The following DRICH1 variants were observed in gnomAD, a reference collection of about 807,000 sequenced individuals.
The protein encoded by DRICH1 is aspartate-rich protein 1.
A neutral mutation model predicts 39.5 loss-of-function variants in DRICH1; 38 were observed. That is an observed-to-expected ratio of 0.96 (90% CI 0.74 to 1.26). The LOEUF (loss-of-function observed/expected upper bound fraction) is 1.26. Ranked by LOEUF, DRICH1 falls within the 50% of genes most tolerant of loss-of-function variation. The pLI is 0.00. For synonymous variants in DRICH1, 84 were observed against 99.5 expected (o/e 0.84, Z 0.93); for missense variants, 279 against 270.4 (o/e 1.03, Z -0.22).
the DRICH1 span, among the ~76,000 whole-genome samples, chr22:23,597,165 T>C: frequency 0.11 from 15,666 of 137,440 alleles, 699 homozygotes; most frequent in East Asian, 0.23. Context: ...GCCTCCTTCC[T>C]TCTTTCCTTC....
At chr22:23,629,614 A>G (rs1482272261) in intron 1 of DRICH1, among the ~76,000 whole-genome samples, 2 of 151,236 alleles carry the variant, frequency 1.3e-5, no homozygotes, top group African/African-American at 4.9e-5. Flanking sequence ...ATTTCTTTTT[A>G]TTTATTTCTT....
At chr22:23,606,185 G>A (rs948458426), downstream of DRICH1, among the ~76,000 whole-genome samples, 6 of 151,860 alleles carry the variant, frequency 4.0e-5, no homozygotes, top group African/African-American at 1.2e-4. Context: ...AGGGGTTGAT[G>A]TTCCTCCTCA....
rs371209679 is a variant in DRICH1, at chr22:23,624,878, C to T, written c.298+5G>A. ...TCAGAAAGTGAGTTAGTTCAAGGTA[C>T]GTACCCTGGACAGGTGATGGTAAAA... is the stretch of plus-strand genomic sequence containing the variant. On this transcript the variant is annotated splice_donor_5th_base_variant and intron_variant, in intron 3 of 11. Transcript: ENST00000317749. 11 of 1,613,156 alleles carry T rather than the reference C, an allele frequency of 6.8e-6. No individual in the cohort carries two copies. Among genetic ancestry groups the T allele is most frequent in the South Asian group, 2.2e-5 (2 of 91,068 alleles).
Position 23,608,571 on chromosome 22 carries a change from C to G in DRICH1, c.*193G>C. 1.7e-6 allele frequency: 1 copy of G among 586,736 alleles called. No homozygotes were observed. Among genetic ancestry groups the G allele is most frequent in the Non-Finnish European group, 3.1e-6 (1 of 326,856 alleles). 36.3% of individuals were successfully genotyped at this position (586,736 alleles called of 1,614,324 possible). A position where few individuals can be genotyped will look rare whatever the true frequency, so the allele number is the denominator to read the frequency against. On this transcript the variant is annotated 3_prime_UTR_variant, in exon 12 of 12. Transcript: ENST00000317749. ...ATGCCAGGCCCAGAAGCACTGGGTCCTGGATGGTACAGGCCAAACCTAGTG... is the reference window on the plus strand; with the variant it reads ...ATGCCAGGCCCAGAAGCACTGGGTCGTGGATGGTACAGGCCAAACCTAGTG...
rs183061051 is a variant in DRICH1, at chr22:23,622,705, C to T, written c.299-529G>A. ...TTTAAAAAAGAATATGAAAATGCTACAATTAAAAATAGTCATGATTTCCTC... is the reference window on the plus strand; with the variant it reads ...TTTAAAAAAGAATATGAAAATGCTATAATTAAAAATAGTCATGATTTCCTC... On this transcript the variant is annotated intron_variant, in intron 3 of 11. Coordinates refer to ENST00000317749, the MANE Select transcript of DRICH1 (RefSeq NM_016449.4). Among the ~76,000 whole-genome samples the T allele has an allele frequency of 5.7e-3, 495 of 87,252 alleles. 1 individual carries two copies. The highest frequency in any genetic ancestry group is 8.3e-3 in the Non-Finnish European group (320 of 38,654). The allele number at this position is 87,252 out of a possible 152,430, so 57.2% of individuals were successfully genotyped here.
At chr22:23,619,424 CTT>C (rs1927577255) in intron 5 of DRICH1, 31 bp from the exon 6 acceptor site, 2 of 779,240 alleles carry the variant, frequency 2.6e-6, no homozygotes, top group Non-Finnish European at 4.8e-6. Context: ...TAATCTAAGA[CTT>C]TAAGGAATCT....
chr22:23,602,963 G>A, the DRICH1 span, among the ~76,000 whole-genome samples: 4 of 149,534 alleles, frequency 2.7e-5, no homozygotes, highest in African/African-American at 7.4e-5. Flanking sequence ...CCTAACATTC[G>A]ACATTTAGGC....
intron 4 of DRICH1, 34 bp from the exon 5 acceptor site, chr22:23,620,649 C>T (rs765921646): frequency 6.2e-7 from 1 of 1,611,168 alleles, no homozygotes; most frequent in East Asian, 2.2e-5. Flanking sequence ...CTATGAGGAT[C>T]AGATCAATTC....
downstream of DRICH1, among the ~76,000 whole-genome samples, chr22:23,605,818 T>C (rs1449068832): frequency 3.9e-5 from 6 of 152,112 alleles, no homozygotes; most frequent in Admixed American, 6.5e-5. Context: ...TATGGGCTCA[T>C]GCCTGTAATC....
At chr22:23,592,226 T>C in the DRICH1 span, among the ~76,000 whole-genome samples, 9 of 152,122 alleles carry the variant, frequency 5.9e-5, no homozygotes, top group Non-Finnish European at 1.3e-4. Context: ...AATGACCCCA[T>C]CAGGCTAGCA....
intron 7 of DRICH1, 66 bp from the exon 8 acceptor site, chr22:23,616,940 C>T: frequency 6.4e-7 from 1 of 1,569,926 alleles, no homozygotes; most frequent in Non-Finnish European, 8.8e-7. Context: ...TTACACAGAT[C>T]TGTTAGTCTC....
At chr22:23,609,695 G>A (rs1292196288) in intron 11 of DRICH1, among the ~76,000 whole-genome samples, 2 of 151,992 alleles carry the variant, frequency 1.3e-5, no homozygotes, top group Admixed American at 6.6e-5. Flanking sequence ...CCAAACTCAC[G>A]GCCTCCTCAC....
intron 11 of DRICH1, 75 bp downstream of exon 11, chr22:23,613,214 A>G (rs921613908): frequency 1.2e-5 from 13 of 1,116,134 alleles, no homozygotes; most frequent in Non-Finnish European, 1.8e-5. Context: ...GCCCCTCCTC[A>G]CAAGCAACAG....
intron 1 of DRICH1, chr22:23,630,590 C>G (rs934794038): frequency 6.6e-6 from 1 of 152,136 alleles, no homozygotes; most frequent in African/African-American, 2.4e-5. Context: ...GCCAGGAATT[C>G]AAGAAAACTG....
chr22:23,581,946 A>G, the DRICH1 span, among the ~76,000 whole-genome samples: 28 of 151,238 alleles, frequency 1.9e-4, no homozygotes, highest in Admixed American at 4.0e-4. Flanking sequence ...GGCATTAACT[A>G]CATTCACAAT....
chr22:23,619,746 T>A (rs1927602784), intron 5 of DRICH1, among the ~76,000 whole-genome samples: 2 of 152,224 alleles, frequency 1.3e-5, no homozygotes, highest in South Asian at 2.1e-4. Flanking sequence ...TGCTTCTCCC[T>A]CCATTTCCAA....
rs560667725 is a variant in DRICH1 at position 23,625,971 on chromosome 22, G to T, written c.276+10C>A. On this transcript the variant is annotated intron_variant, in intron 2 of 11. Transcript: ENST00000317749. The stretch of plus-strand genomic sequence containing the variant: ...ACATTTCCTTAGAAGGCAAAGAAAG[G>T]GGGTCTTACCTTGGCATCATCATTG... The T allele has an allele frequency of 9.4e-5, 152 of 1,608,636 alleles. 1 individual carries two copies. The highest frequency in any genetic ancestry group is 5.1e-6 in the Non-Finnish European group (6 of 1,175,898).
the DRICH1 span, among the ~76,000 whole-genome samples, chr22:23,589,357 G>A: frequency 6.6e-6 from 1 of 151,980 alleles, no homozygotes; most frequent in African/African-American, 2.4e-5. Flanking sequence ...AGGCTGAGGT[G>A]GAAGAATCAC....
chr22:23,624,291 G>GCAGAAAAGAGCAGGTGTTCT (rs1927931519), intron 3 of DRICH1: 1 of 985,032 alleles, frequency 1.0e-6, no homozygotes, highest in Non-Finnish European at 1.2e-6. Context: ...AGTGGCACAG[G>GCAGAAAAGAGCAGGTGTTCT]CAGAAAAGAG....
Sources: gnomAD v4.1 joint callset for allele counts (sites outside exome capture counted in the v4.1 genomes callset) on GRCh38, gnomAD v4.1.1 for gene constraint, MANE v1.5 for transcripts, NCBI Gene and HGNC (gene_info 2026-07-23, HGNC 2026-07-21) for gene names.